Variants in ADAMTSL1 observed in about 807,000 individuals in gnomAD.
ADAMTSL1 encodes the protein ADAMTS like 1, also known as ADAMTS-like protein 1.
A neutral mutation model predicts 201.8 loss-of-function variants in ADAMTSL1; 126 were observed. That is an observed-to-expected ratio of 0.62 (90% confidence interval 0.54 to 0.72). ADAMTSL1 has a LOEUF of 0.72. ADAMTSL1 is among the 30% of genes least tolerant of loss of function. The probability of loss-of-function intolerance (pLI) is 0.00; values close to 1 mark genes in which losing one functional copy is unlikely to be tolerated. For synonymous variants in ADAMTSL1, 1,121 were observed against 903.4 expected (o/e 1.24, Z -4.32); for missense variants, 2,679 against 2,277.8 (o/e 1.18, Z -3.59).
rs561009276 is a variant in ADAMTSL1 at position 18,706,924 on chromosome 9, C to A, written c.1752C>A (p.Ser584Arg). 1.2e-6 allele frequency: 2 copies of A among 1,613,946 alleles called. No individual in the cohort carries two copies. Among genetic ancestry groups the A allele is most frequent in the Non-Finnish European group, 1.7e-6 (2 of 1,179,872 alleles). ...SQRACYAGPC[S>R]GEIPEFNPDE... ...GTGCCTGTTATGCAGGCCCATGCAG[C>A]GGGGAAATTCCTGAGTTCAACCCAG... The change falls in exon 14 of 29, where the codon AGC becomes AGA. Residue 584 changes from serine to arginine, a missense_variant. Physicochemically the swap from Ser to Arg is moderately radical, Grantham distance 110. Transcript: ENST00000380548.
intron 1 of ADAMTSL1, among the ~76,000 whole-genome samples, chr9:18,050,071 G>A (rs1218656271): frequency 6.6e-6 from 1 of 152,164 alleles, no homozygotes; most frequent in Non-Finnish European, 1.5e-5. Flanking sequence ...AATGACTTTA[G>A]TCATCCAGTG....
chr9:18,524,909 T>G (rs1157525307), intron 2 of ADAMTSL1, among the ~76,000 whole-genome samples: 1 of 152,184 alleles, frequency 6.6e-6, no homozygotes, highest in Non-Finnish European at 1.5e-5. Context: ...TCTCTCTTTT[T>G]GTTGTGTCTG....
intron 2 of ADAMTSL1, among the ~76,000 whole-genome samples, chr9:18,333,405 G>T (rs1056967372): frequency 1.3e-5 from 2 of 152,100 alleles, no homozygotes; most frequent in Admixed American, 6.6e-5. Context: ...CTGTGAAGAG[G>T]TGCATTCCAC....
At chr9:18,866,285 G>A (rs1368104811) in intron 23 of ADAMTSL1, among the ~76,000 whole-genome samples, 1 of 152,054 alleles carries the variant, frequency 6.6e-6, no homozygotes, top group Non-Finnish European at 1.5e-5. Flanking sequence ...TATTTTGACT[G>A]TTGCTGCTGG....
chr9:18,718,476 C>A lies in ADAMTSL1; in HGVS notation c.1877-3060C>A, dbSNP rs1437070427. On this transcript the variant is annotated intron_variant, in intron 14 of 28. Transcript: ENST00000380548. ...CCTTGAACAAATTGTACATTCAAAG[C>A]AGACTTTCCAACGCCTCCTGGGCCA... 1.7e-5 allele frequency: 10 copies of A among 582,920 alleles called. No homozygotes were observed. In the Admixed American group the frequency reaches 1.9e-4, roughly 11 times the overall value. The allele number at this position is 582,920 out of a possible 1,614,324, so 36.1% of individuals were successfully genotyped here.
At chr9:18,005,918 A>G (rs1819798391) in intron 1 of ADAMTSL1, among the ~76,000 whole-genome samples, 1 of 151,970 alleles carries the variant, frequency 6.6e-6, no homozygotes, top group Non-Finnish European at 1.5e-5. Flanking sequence ...TGCATAGGTC[A>G]TGTCTTCTAC....
chr9:18,270,033 T>C (rs964708432), intron 2 of ADAMTSL1, among the ~76,000 whole-genome samples: 15 of 152,118 alleles, frequency 9.9e-5, no homozygotes, highest in African/African-American at 3.4e-4. Context: ...CAGAAGTGAC[T>C]TTATCATAGT....
At chr9:18,067,510 T>C (rs571145804) in intron 1 of ADAMTSL1, among the ~76,000 whole-genome samples, 33 of 152,350 alleles carry the variant, frequency 2.2e-4, no homozygotes, top group African/African-American at 7.7e-4. Flanking sequence ...TTACTGTGTT[T>C]AGTGAGTTTA....
intron 15 of ADAMTSL1, among the ~76,000 whole-genome samples, chr9:18,722,396 A>G (rs1833447706): frequency 6.6e-6 from 1 of 152,186 alleles, no homozygotes; most frequent in African/African-American, 2.4e-5. Flanking sequence ...CTGCTGATGG[A>G]ATGAAGAAAT....
intron 1 of ADAMTSL1, among the ~76,000 whole-genome samples, chr9:17,951,290 G>T (rs769364389): frequency 6.6e-6 from 1 of 152,136 alleles, no homozygotes; most frequent in African/African-American, 2.4e-5. Flanking sequence ...CTTCAGGGGC[G>T]ATTTTTGTCA....
chr9:17,984,341 A>C (rs1306895616), intron 1 of ADAMTSL1, among the ~76,000 whole-genome samples: 1 of 152,126 alleles, frequency 6.6e-6, no homozygotes, highest in Admixed American at 6.5e-5. Context: ...TGACTAATTT[A>C]TCTCTCTGTG....
chr9:18,366,627 ATTTTTTTTTTTTTTTTTTTTTTTTTTTT>A (rs772034324), intron 2 of ADAMTSL1, among the ~76,000 whole-genome samples: 1 of 112,800 alleles, frequency 8.9e-6, no homozygotes, highest in Non-Finnish European at 1.8e-5. Context: ...GAAATCACTA[ATTTTTTTTTTTTTTTTTTTTTTTTTTTT>A]TTTTTTTTTT....
intron 2 of ADAMTSL1, among the ~76,000 whole-genome samples, chr9:18,411,578 T>C (rs1001943611): frequency 6.6e-6 from 1 of 152,230 alleles, no homozygotes; most frequent in African/African-American, 2.4e-5. Context: ...TGTATATAAT[T>C]TCTAGATTTA....
chr9:18,433,924 G>A lies in ADAMTSL1; in HGVS notation c.208-70905G>A, dbSNP rs989281396. Among the ~76,000 whole-genome samples the A allele has an allele frequency of 2.6e-5, 4 of 152,300 alleles. No homozygotes were observed. The East Asian group carries it at 7.7e-4, about 29-fold the overall frequency. ...ATAATGCTTTGCTGTTTAGGGGAATGCTAATTGCAATTCTCATATCTTTTC... is the reference window on the plus strand; with the variant it reads ...ATAATGCTTTGCTGTTTAGGGGAATACTAATTGCAATTCTCATATCTTTTC... On this transcript the variant is annotated intron_variant, in intron 2 of 29. Coordinates refer to the ADAMTSL1 transcript ENST00000680146.
rs553999996 is a variant in ADAMTSL1 at position 18,712,146 on chromosome 9, A to T, written c.1876+5098A>T. Among the ~76,000 whole-genome samples the T allele has an allele frequency of 1.5e-4, 23 of 152,184 alleles. No homozygotes were observed. In the East Asian group the frequency reaches 3.9e-3, roughly 26 times the overall value. ...AGTAGATAAAACCACAAAGATGGGG[A>T]AAAAAACAGAACAGAAAAACTGGAA... On this transcript the variant is annotated intron_variant, in intron 14 of 28. Coordinates refer to ENST00000380548, the MANE Select transcript of ADAMTSL1 (RefSeq NM_001040272.6).
intron 1 of ADAMTSL1, among the ~76,000 whole-genome samples, chr9:17,954,354 T>G (rs1827847360): frequency 6.6e-6 from 1 of 152,212 alleles, no homozygotes; most frequent in South Asian, 2.1e-4. Context: ...GTTCAAAGAA[T>G]TAGAAGCCAT....
chr9:18,273,328 G>A (rs1403132765), intron 2 of ADAMTSL1, among the ~76,000 whole-genome samples: 8 of 84,086 alleles, frequency 9.5e-5, no homozygotes, highest in Middle Eastern at 7.0e-3. Context: ...TGATCCGCCC[G>A]CGTTGGCCTC....
At chr9:18,689,351 T>G (rs1042511722) in intron 13 of ADAMTSL1, among the ~76,000 whole-genome samples, 14 of 152,102 alleles carry the variant, frequency 9.2e-5, no homozygotes, top group African/African-American at 3.4e-4. Flanking sequence ...TGATGATCCC[T>G]AGGACATTTA....
rs187512304 is a variant in ADAMTSL1 at position 18,579,287 on chromosome 9, T to G, written c.474+5021T>G. On this transcript the variant is annotated intron_variant, in intron 4 of 28. Coordinates refer to ENST00000380548, the MANE Select transcript of ADAMTSL1 (RefSeq NM_001040272.6). ...GCATATTCTCACTCATAGGTGGGAA[T>G]TGAACAATGAGATCACATGGACACA... 2.0e-4 allele frequency among the ~76,000 whole-genome samples: 28 copies of G among 141,948 alleles called. 1 individual carries two copies. In the East Asian group the frequency reaches 5.3e-3, roughly 27 times the overall value. The allele number at this position is 141,948 out of a possible 152,430, so 93.1% of individuals were successfully genotyped here. A position where few individuals can be genotyped will look rare whatever the true frequency, so the allele number is the denominator to read the frequency against.
Sources: gnomAD v4.1 joint callset for allele counts (sites outside exome capture counted in the v4.1 genomes callset) on GRCh38, gnomAD v4.1.1 for gene constraint, MANE v1.5 for transcripts, NCBI Gene and HGNC (gene_info 2026-07-23, HGNC 2026-07-21) for gene names.